The following RAD51B variants were observed in gnomAD, a reference collection of about 807,000 sequenced individuals.
RAD51B encodes the protein DNA repair protein RAD51 homolog 2.
Under a neutral mutation model 42.2 loss-of-function variants are expected in RAD51B, and 38 were observed. That is an observed-to-expected ratio of 0.90 (90% CI 0.70 to 1.18). The LOEUF is 1.18. RAD51B is among the 50% of genes most tolerant of loss of function. The pLI, the probability that RAD51B is intolerant of heterozygous loss-of-function variation, is 0.00. For synonymous variants in RAD51B, 154 were observed against 145.2 expected, an observed-to-expected ratio of 1.06 and a Z score of -0.43; for missense variants, 373 against 400.7, an observed-to-expected ratio of 0.93 and a Z score of 0.59.
intron 7 of RAD51B, among the ~76,000 whole-genome samples, chr14:68,123,191 C>CTTTTTTTTTT (rs541886088): frequency 1.6e-5 from 2 of 125,500 alleles, no homozygotes; most frequent in Non-Finnish European, 3.3e-5. Context: ...TTCTTTCTTT[C>CTTTTTTTTTT]TTTTTTTTTT....
downstream of RAD51B, among the ~76,000 whole-genome samples, chr14:68,478,472 C>A (rs1882898423): frequency 6.6e-6 from 1 of 152,342 alleles, no homozygotes; most frequent in African/African-American, 2.4e-5. Flanking sequence ...CAATTGGTGA[C>A]CCGTAGGATA....
intron 7 of RAD51B, among the ~76,000 whole-genome samples, chr14:67,916,809 C>T (rs2044165040): frequency 6.6e-6 from 1 of 152,154 alleles, no homozygotes; most frequent in African/African-American, 2.4e-5. Flanking sequence ...AGTCACTCTT[C>T]TATGTGTTGG....
At position 68,547,603 on chromosome 14, in the gene RAD51B, C is replaced by T. The variant is rs1010320707; in HGVS notation, c.1037-46882C>T. On this transcript the variant is annotated intron_variant, in intron 10 of 10. Coordinates refer to the RAD51B transcript ENST00000487270. Reference sequence around the variant, plus strand: ...GACACAGCACTGGCCTTAGAGTCCACAAGCCCGGGTTCCTTGGCCCTGTCT... The same window carrying T: ...GACACAGCACTGGCCTTAGAGTCCATAAGCCCGGGTTCCTTGGCCCTGTCT... Among the ~76,000 whole-genome samples, 4 of 152,208 alleles carry T rather than the reference C, an allele frequency of 2.6e-5. No individual in the cohort carries two copies. In the East Asian group the frequency reaches 7.7e-4, roughly 29 times the overall value.
At chr14:68,174,641 A>G (rs2078931137) in intron 7 of RAD51B, among the ~76,000 whole-genome samples, 2 of 152,294 alleles carry the variant, frequency 1.3e-5, no homozygotes, top group South Asian at 4.1e-4. Flanking sequence ...GGCCAAGATG[A>G]GGGGGCACTG....
At chr14:68,650,893 A>G (rs1196665360) in intron 11 of RAD51B, 4 of 725,788 alleles carry the variant, frequency 5.5e-6, no homozygotes, top group Non-Finnish European at 1.0e-5. Context: ...ACAACAGGGA[A>G]AAGTAACCAC....
chr14:68,682,010 C>CTT (rs1158084495), intron 11 of RAD51B, among the ~76,000 whole-genome samples: 1 of 152,018 alleles, frequency 6.6e-6, no homozygotes, highest in Non-Finnish European at 1.5e-5. Flanking sequence ...CACTGAAGAA[C>CTT]TTATCCATGT....
At chr14:68,288,684 G>T (rs762083187) in intron 7 of RAD51B, among the ~76,000 whole-genome samples, 1 of 152,324 alleles carries the variant, frequency 6.6e-6, no homozygotes, top group South Asian at 2.1e-4. Flanking sequence ...CATTGAATTT[G>T]TAAGTTTCTG....
At chr14:68,028,822 G>T (rs1021866397) in intron 7 of RAD51B, among the ~76,000 whole-genome samples, 1 of 152,200 alleles carries the variant, frequency 6.6e-6, no homozygotes. Context: ...GCGGTCAGCT[G>T]GGTTAGAGCT....
chr14:68,374,949 C>T (rs188303211), intron 8 of RAD51B, among the ~76,000 whole-genome samples: 2 of 151,560 alleles, frequency 1.3e-5, no homozygotes, highest in African/African-American at 4.8e-5. Flanking sequence ...TGATGAGCCT[C>T]GGCTGGCGTG....
chr14:68,550,623 G>A (rs1888494149), intron 10 of RAD51B, among the ~76,000 whole-genome samples: 1 of 152,182 alleles, frequency 6.6e-6, no homozygotes, highest in South Asian at 2.1e-4. Context: ...TTCTTTTAGT[G>A]GATTAGCAAT....
chr14:68,201,888 T>C (rs747563799), intron 7 of RAD51B, among the ~76,000 whole-genome samples: 1 of 152,150 alleles, frequency 6.6e-6, no homozygotes, highest in Non-Finnish European at 1.5e-5. Context: ...AGAAAAGGCA[T>C]GAAGACAACA....
At chr14:68,497,344 G>A in intron 10 of RAD51B, 3 of 1,244,044 alleles carry the variant, frequency 2.4e-6, no homozygotes, top group Non-Finnish European at 3.1e-6. Flanking sequence ...AAGCCCAACA[G>A]TAATCTGCAT....
intron 7 of RAD51B, among the ~76,000 whole-genome samples, chr14:67,984,879 G>A (rs1002230128): frequency 1.3e-5 from 2 of 152,110 alleles, no homozygotes; most frequent in Admixed American, 1.3e-4. Context: ...TATAATGTAA[G>A]CAATAAATTG....
At chr14:68,073,587 A>G (rs532470095) in intron 7 of RAD51B, among the ~76,000 whole-genome samples, 1 of 152,224 alleles carries the variant, frequency 6.6e-6, no homozygotes, top group Admixed American at 6.5e-5. Flanking sequence ...GTTGTTATGT[A>G]GACTTGTTTG....
chr14:68,230,010 C>T (rs1296425365), intron 7 of RAD51B, among the ~76,000 whole-genome samples: 2 of 152,204 alleles, frequency 1.3e-5, no homozygotes, highest in Admixed American at 1.3e-4. Flanking sequence ...TCATTTCTAG[C>T]ATGTCACTGA....
intron 10 of RAD51B, among the ~76,000 whole-genome samples, chr14:68,539,673 A>T (rs543150637): frequency 6.6e-6 from 1 of 152,226 alleles, no homozygotes; most frequent in African/African-American, 2.4e-5. Context: ...GCTAAGGGTG[A>T]TTGAATGCAC....
intron 7 of RAD51B, among the ~76,000 whole-genome samples, chr14:68,229,928 C>T (rs2080113977): frequency 6.6e-6 from 1 of 152,190 alleles, no homozygotes; most frequent in Admixed American, 6.5e-5. Flanking sequence ...GTTCCTGATG[C>T]TGTCATGGGC....
intron 8 of RAD51B, among the ~76,000 whole-genome samples, chr14:68,356,155 G>C (rs530350069): frequency 1.3e-5 from 2 of 152,160 alleles, no homozygotes; most frequent in Non-Finnish European, 2.9e-5. Flanking sequence ...TATGTTGGCC[G>C]GGCGCGGTGG....
chr14:68,548,051 C>T (rs933271647), intron 10 of RAD51B, among the ~76,000 whole-genome samples: 2 of 152,186 alleles, frequency 1.3e-5, no homozygotes, highest in Admixed American at 1.3e-4. Flanking sequence ...CAGTGGGTTC[C>T]TCCTGGAGAG....
Sources: gnomAD v4.1 joint callset for allele counts (sites outside exome capture counted in the v4.1 genomes callset) on GRCh38, gnomAD v4.1.1 for gene constraint, MANE v1.5 for transcripts, NCBI Gene and HGNC (gene_info 2026-07-23, HGNC 2026-07-21) for gene names.